Variants in BLTP3B observed in about 807,000 individuals in gnomAD.
The protein encoded by BLTP3B is UHRF1 (ICBP90) binding protein 1-like.
At chr12:100,055,666 A>C in the BLTP3B span, among the ~76,000 whole-genome samples, 1 of 149,172 alleles carries the variant, frequency 6.7e-6, no homozygotes, top group Non-Finnish European at 1.5e-5. Context: ...AGCAAGAAAA[A>C]AACTACATCT....
At chr12:100,070,709 A>G in the BLTP3B span, among the ~76,000 whole-genome samples, 1 of 151,926 alleles carries the variant, frequency 6.6e-6, no homozygotes, top group Non-Finnish European at 1.5e-5. Context: ...ACATATATTA[A>G]TAGGGTGGGT....
chr12:100,061,216 T>G, the BLTP3B span, among the ~76,000 whole-genome samples: 8 of 151,986 alleles, frequency 5.3e-5, no homozygotes, highest in South Asian at 1.0e-3. Flanking sequence ...GGAAAGGAAG[T>G]AAAGGGAATA....
the BLTP3B span, among the ~76,000 whole-genome samples, chr12:100,109,851 T>C: frequency 6.6e-6 from 1 of 152,128 alleles, no homozygotes. Flanking sequence ...GCTCTTGGCA[T>C]ACATGCGTGA....
chr12:100,088,773 C>T, the BLTP3B span: 16 of 591,140 alleles, frequency 2.7e-5, no homozygotes, highest in African/African-American at 2.5e-4. Flanking sequence ...TCCAGTTGTG[C>T]CTTTCATCTA....
At chr12:100,072,666 TCTTA>T in the BLTP3B span, 1 of 1,505,242 alleles carries the variant, frequency 6.6e-7, no homozygotes, top group Non-Finnish European at 8.8e-7. Context: ...TTAAAAACTC[TCTTA>T]CTTGGAAAAT....
the BLTP3B span, among the ~76,000 whole-genome samples, chr12:100,040,605 G>C: frequency 6.6e-6 from 1 of 152,190 alleles, no homozygotes; most frequent in African/African-American, 2.4e-5. Context: ...AGAATCCCTT[G>C]AACCCAGGAG....
chr12:100,108,383 C>T, the BLTP3B span: 10 of 1,608,824 alleles, frequency 6.2e-6, no homozygotes, highest in African/African-American at 1.3e-5. Context: ...ATCAAAGTCT[C>T]ACCCTAATGG....
the BLTP3B span, among the ~76,000 whole-genome samples, chr12:100,089,684 T>C: frequency 6.6e-6 from 1 of 152,234 alleles, no homozygotes; most frequent in Non-Finnish European, 1.5e-5. Flanking sequence ...ATAGCCCTTG[T>C]TTTAGAAAAT....
At chr12:100,058,481 T>G in the BLTP3B span, 23 of 1,613,344 alleles carry the variant, frequency 1.4e-5, no homozygotes, top group African/African-American at 2.9e-4. Flanking sequence ...CACTCATAGA[T>G]CTGTTGTCTG....
At chr12:100,083,657 C>T in the BLTP3B span, among the ~76,000 whole-genome samples, 1 of 146,984 alleles carries the variant, frequency 6.8e-6, no homozygotes, top group East Asian at 2.0e-4. Context: ...ATACATGTAT[C>T]AAAATATCAC....
At chr12:100,122,760 A>G in the BLTP3B span, among the ~76,000 whole-genome samples, 1 of 150,632 alleles carries the variant, frequency 6.6e-6, no homozygotes, top group East Asian at 1.9e-4. Flanking sequence ...CCTGCTGAAA[A>G]CTCTTCAAGA....
the BLTP3B span, among the ~76,000 whole-genome samples, chr12:100,101,470 AGCT>A: frequency 2.6e-5 from 4 of 152,204 alleles, no homozygotes; most frequent in African/African-American, 9.6e-5. Context: ...ACATGTTCAG[AGCT>A]GCTATTTTAC....
At chr12:100,116,901 T>C in the BLTP3B span, among the ~76,000 whole-genome samples, 2 of 152,070 alleles carry the variant, frequency 1.3e-5, no homozygotes, top group African/African-American at 4.8e-5. Context: ...TTGCAGGATA[T>C]AAGGCCAATA....
At chr12:100,037,403 C>T in the BLTP3B span, 1 of 1,242,242 alleles carries the variant, frequency 8.0e-7, no homozygotes, top group Non-Finnish European at 1.0e-6. Flanking sequence ...TTCCCTAGAT[C>T]ACAACAGCTT....
the BLTP3B span, among the ~76,000 whole-genome samples, chr12:100,055,124 T>G: frequency 6.6e-6 from 1 of 151,986 alleles, no homozygotes; most frequent in Non-Finnish European, 1.5e-5. Context: ...CTCTGACTTA[T>G]GTAAAGAGTA....
chr12:100,047,958 C>A, the BLTP3B span: 1 of 1,491,190 alleles, frequency 6.7e-7, no homozygotes, highest in South Asian at 1.4e-5. Context: ...AATTTATTTT[C>A]GTGTTAGAAA....
chr12:100,094,072 T>C, the BLTP3B span, among the ~76,000 whole-genome samples: 1 of 152,216 alleles, frequency 6.6e-6, no homozygotes, highest in South Asian at 2.1e-4. Context: ...CCCTTACTTC[T>C]TCATGCTAAC....
At chr12:100,089,009 T>C in the BLTP3B span, 4 of 1,612,348 alleles carry the variant, frequency 2.5e-6, no homozygotes, top group African/African-American at 1.3e-5. Context: ...AATCATTGAA[T>C]AGTTTCACAA....
At chr12:100,130,904 A>G in the BLTP3B span, among the ~76,000 whole-genome samples, 43 of 151,692 alleles carry the variant, frequency 2.8e-4, no homozygotes, top group Non-Finnish European at 4.9e-4. Flanking sequence ...AACAAGAATG[A>G]AACTCTATCT....
Sources: allele counts gnomAD v4.1 joint callset (sites outside exome capture counted in the v4.1 genomes callset), GRCh38; gene constraint gnomAD v4.1.1; transcripts MANE v1.5; gene names NCBI Gene and HGNC (gene_info 2026-07-23, HGNC 2026-07-21).